Variants in ANKIB1 observed in about 807,000 individuals in gnomAD.
The protein encoded by ANKIB1 is ankyrin repeat and IBR domain-containing protein 1.
A neutral mutation model predicts 122.1 loss-of-function variants in ANKIB1; 43 were observed. That is an observed-to-expected ratio of 0.35 (90% CI 0.28 to 0.45). The LOEUF (loss-of-function observed/expected upper bound fraction) is 0.45, where lower values mean the gene tolerates loss of function less well. Ranked by LOEUF, ANKIB1 falls within the 20% of genes least tolerant of loss-of-function variation. The probability of loss-of-function intolerance (pLI) is 1.00; values close to 1 mark genes in which losing one functional copy is unlikely to be tolerated. For synonymous variants in ANKIB1, 390 were observed against 442.0 expected (o/e 0.88, Z 1.48); for missense variants, 992 against 1,329.5 (o/e 0.75, Z 3.95).
intron 1 of ANKIB1, among the ~76,000 whole-genome samples, chr7:92,274,566 T>C (rs1391190629): frequency 1.3e-5 from 2 of 151,996 alleles, no homozygotes; most frequent in Non-Finnish European, 2.9e-5. Context: ...TTGTGGTCAT[T>C]TAAAAAAAAA....
At chr7:92,264,104 A>G (rs1434946250) in intron 1 of ANKIB1, among the ~76,000 whole-genome samples, 1 of 150,970 alleles carries the variant, frequency 6.6e-6, no homozygotes, top group Non-Finnish European at 1.5e-5. Flanking sequence ...AGTGATGAAC[A>G]CCTAGAGTAT....
intron 7 of ANKIB1, chr7:92,347,859 A>G: frequency 4.0e-6 from 1 of 253,056 alleles, no homozygotes; most frequent in Non-Finnish European, 7.8e-6. Context: ...TCAGTTTTTT[A>G]AATTTCTTAA....
chr7:92,342,541 C>A (rs570588812), intron 5 of ANKIB1, among the ~76,000 whole-genome samples: 2 of 152,248 alleles, frequency 1.3e-5, no homozygotes, highest in East Asian at 1.9e-4. Context: ...TCGGAAGTTT[C>A]TTCTGCTTTC....
At chr7:92,376,457 T>TA (rs1804383777) in intron 11 of ANKIB1, among the ~76,000 whole-genome samples, 1 of 151,554 alleles carries the variant, frequency 6.6e-6, no homozygotes, top group African/African-American at 2.4e-5. Flanking sequence ...TTTTTATTTT[T>TA]TTTTTTTTTG....
At chr7:92,258,398 G>A (rs1375202809) in intron 1 of ANKIB1, among the ~76,000 whole-genome samples, 1 of 152,232 alleles carries the variant, frequency 6.6e-6, no homozygotes, top group Non-Finnish European at 1.5e-5. Flanking sequence ...TGGAATGCTT[G>A]TTAAAGTGCA....
At chr7:92,379,767 C>A (rs2115669873) in intron 11 of ANKIB1, among the ~76,000 whole-genome samples, 1 of 152,080 alleles carries the variant, frequency 6.6e-6, no homozygotes, top group East Asian at 1.9e-4. Flanking sequence ...ATAAAATAAA[C>A]CAGGAGGTCT....
At chr7:92,287,384 C>G (rs1473707940) in intron 1 of ANKIB1, among the ~76,000 whole-genome samples, 15 of 152,200 alleles carry the variant, frequency 9.9e-5, no homozygotes, top group Admixed American at 9.8e-4. Context: ...AGAGTACTAG[C>G]CAGTTATTTG....
intron 18 of ANKIB1, among the ~76,000 whole-genome samples, chr7:92,397,391 C>A (rs1003326448): frequency 6.6e-6 from 1 of 151,420 alleles, no homozygotes; most frequent in Non-Finnish European, 1.5e-5. Context: ...GAGGCTGAGG[C>A]AGGAGAATCG....
At chr7:92,270,757 A>G (rs1801770960) in intron 1 of ANKIB1, among the ~76,000 whole-genome samples, 1 of 135,134 alleles carries the variant, frequency 7.4e-6, no homozygotes. Flanking sequence ...TTTTTTGAGA[A>G]TGTCATATCA....
At chr7:92,384,439 G>T (rs1804588117) in intron 11 of ANKIB1, among the ~76,000 whole-genome samples, 1 of 152,158 alleles carries the variant, frequency 6.6e-6, no homozygotes, top group Non-Finnish European at 1.5e-5. Context: ...ACAATCCTAA[G>T]CAAAAAGAAC....
intron 6 of ANKIB1, 44 bp from the exon 7 acceptor site, chr7:92,344,934 A>G (rs768813247): frequency 6.1e-6 from 9 of 1,478,682 alleles, no homozygotes; most frequent in African/African-American, 1.4e-5. Context: ...GTTCTCTTTC[A>G]GAAGTACATT....
intron 9 of ANKIB1, among the ~76,000 whole-genome samples, chr7:92,358,502 C>A (rs139460925): frequency 6.7e-4 from 101 of 150,314 alleles, no homozygotes; most frequent in African/African-American, 2.4e-3. Flanking sequence ...GAGAGCCAAG[C>A]ACATTGATAA....
At chr7:92,270,687 G>A (rs538452356) in intron 1 of ANKIB1, among the ~76,000 whole-genome samples, 5 of 148,166 alleles carry the variant, frequency 3.4e-5, no homozygotes, top group East Asian at 2.0e-4. Flanking sequence ...TCTGCCACTC[G>A]CTAGCCTTTA....
intron 7 of ANKIB1, 44 bp downstream of exon 7, chr7:92,345,110 C>A (rs777834705): frequency 1.5e-6 from 2 of 1,335,542 alleles, no homozygotes; most frequent in South Asian, 2.5e-5. Context: ...CATGATAGCA[C>A]TCTGATTTGT....
chr7:92,388,906 A>C (rs1368490108), intron 14 of ANKIB1, among the ~76,000 whole-genome samples: 1 of 152,198 alleles, frequency 6.6e-6, no homozygotes, highest in Non-Finnish European at 1.5e-5. Flanking sequence ...TTAATGATAT[A>C]ACTATATTAG....
intron 10 of ANKIB1, among the ~76,000 whole-genome samples, chr7:92,366,758 G>A (rs1033477574): frequency 9.2e-5 from 14 of 152,224 alleles, no homozygotes; most frequent in Admixed American, 7.2e-4. Flanking sequence ...AAATTACCCC[G>A]ATTTTACAGA....
At chr7:92,267,027 G>T (rs1460747237) in intron 1 of ANKIB1, among the ~76,000 whole-genome samples, 1 of 152,176 alleles carries the variant, frequency 6.6e-6, no homozygotes, top group Non-Finnish European at 1.5e-5. Flanking sequence ...TGCTGATCTT[G>T]ATAAACAGTC....
At chr7:92,327,430 T>C (rs1803051363) in intron 4 of ANKIB1, among the ~76,000 whole-genome samples, 2 of 152,244 alleles carry the variant, frequency 1.3e-5, no homozygotes, top group Admixed American at 1.3e-4. Flanking sequence ...AACCCACAGA[T>C]ACTCAAGTCC....
chr7:92,264,573 TC>T (rs1801631546), intron 1 of ANKIB1, among the ~76,000 whole-genome samples: 1 of 151,790 alleles, frequency 6.6e-6, no homozygotes, highest in Non-Finnish European at 1.5e-5. Context: ...AATTTTTTTT[TC>T]TTTTTTTTTG....
Sources: allele counts gnomAD v4.1 joint callset (sites outside exome capture counted in the v4.1 genomes callset), GRCh38; gene constraint gnomAD v4.1.1; transcripts MANE v1.5; gene names NCBI Gene and HGNC (gene_info 2026-07-23, HGNC 2026-07-21).